The following CNTNAP2 variants were observed in gnomAD, a reference collection of about 807,000 sequenced individuals.
CNTNAP2 encodes contactin associated protein 2.
In CNTNAP2, 98 loss-of-function variants were observed where a neutral mutation model predicts 155.2. That is an observed-to-expected ratio of 0.63 (90% CI 0.54 to 0.75). The LOEUF is 0.75. Ranked by LOEUF, CNTNAP2 falls within the 30% of genes least tolerant of loss-of-function variation. The probability of loss-of-function intolerance (pLI) is 0.00; values close to 1 mark genes in which losing one functional copy is unlikely to be tolerated. For missense variants in CNTNAP2, 1,727 were observed against 1,688.1 expected, an observed-to-expected ratio of 1.02 and a Z score of -0.40; for synonymous variants, 651 against 631.2, an observed-to-expected ratio of 1.03 and a Z score of -0.47.
At chr7:147,825,584 C>T (rs1798433760) in intron 13 of CNTNAP2, among the ~76,000 whole-genome samples, 1 of 152,126 alleles carries the variant, frequency 6.6e-6, no homozygotes, top group Admixed American at 6.6e-5. Context: ...TAAAAATAAA[C>T]ATCTAAAGAG....
chr7:146,913,975 G>A (rs934542983), intron 3 of CNTNAP2, among the ~76,000 whole-genome samples: 8 of 151,838 alleles, frequency 5.3e-5, no homozygotes, highest in African/African-American at 1.9e-4. Context: ...TCACAGCTTA[G>A]CTCCCACTTA....
intron 10 of CNTNAP2, among the ~76,000 whole-genome samples, chr7:147,418,424 C>T (rs541902001): frequency 7.2e-5 from 11 of 152,288 alleles, no homozygotes; most frequent in African/African-American, 2.4e-4. Flanking sequence ...ATTATATAGA[C>T]ATCGATATGA....
At position 146,222,811 on chromosome 7, in the gene CNTNAP2, A is replaced by G. The variant is rs1799229400; in HGVS notation, c.97+105838A>G. 2.0e-5 allele frequency among the ~76,000 whole-genome samples: 3 copies of G among 151,320 alleles called. 1 individual carries two copies. In the South Asian group the frequency reaches 6.3e-4, roughly 32 times the overall value. ...GCTGGGACTACAGGCGCCCGCCACC[A>G]CGCCCAGCTAATTTTTTTATATTTT... On this transcript the variant is annotated intron_variant, in intron 1 of 23. Coordinates refer to ENST00000361727, the MANE Select transcript of CNTNAP2 (RefSeq NM_014141.6).
At position 147,414,198 on chromosome 7, in the gene CNTNAP2, G is replaced by A. The variant is rs540915405; in HGVS notation, c.1670+18418G>A. On this transcript the variant is annotated intron_variant, in intron 10 of 23. Coordinates refer to ENST00000361727, the MANE Select transcript of CNTNAP2 (RefSeq NM_014141.6). ...CCAGCACTTTGGGAGGCCAAGGCAG[G>A]CCGATCGCTTGCGATCAGGAGTTCG... Among the ~76,000 whole-genome samples, 161 of 152,220 alleles carry A rather than the reference G, an allele frequency of 1.1e-3. 1 individual carries two copies. Among genetic ancestry groups the A allele is most frequent in the African/African-American group, 3.7e-3 (152 of 41,540 alleles).
intron 1 of CNTNAP2, among the ~76,000 whole-genome samples, chr7:146,160,055 A>G (rs1016057319): frequency 7.2e-5 from 11 of 152,164 alleles, no homozygotes; most frequent in African/African-American, 2.4e-4. Context: ...AAACTAAACA[A>G]CTACGTGGAG....
chr7:147,544,916 C>G (rs554419095), intron 11 of CNTNAP2, among the ~76,000 whole-genome samples: 20 of 152,198 alleles, frequency 1.3e-4, no homozygotes, highest in African/African-American at 4.1e-4. Flanking sequence ...GTGAGCCTCC[C>G]TAGCCATGTG....
chr7:146,481,004 A>ATT (rs879861058), intron 1 of CNTNAP2, among the ~76,000 whole-genome samples: 168 of 139,232 alleles, frequency 1.2e-3, no homozygotes, highest in Middle Eastern at 3.8e-3. Context: ...TATTAATGAA[A>ATT]ATTTTTTTTT....
intron 13 of CNTNAP2, among the ~76,000 whole-genome samples, chr7:147,708,140 G>C (rs1484959691): frequency 1.3e-5 from 2 of 152,148 alleles, no homozygotes; most frequent in African/African-American, 2.4e-5. Context: ...TACTGGGGAA[G>C]GCAAGGTTGC....
chr7:146,414,954 G>A (rs970156301), intron 1 of CNTNAP2, among the ~76,000 whole-genome samples: 3 of 152,116 alleles, frequency 2.0e-5, no homozygotes, highest in African/African-American at 7.2e-5. Flanking sequence ...AAAAAGGAGT[G>A]TTATTTGCAA....
At chr7:147,715,791 CT>C (rs1440753894) in intron 13 of CNTNAP2, among the ~76,000 whole-genome samples, 3 of 151,950 alleles carry the variant, frequency 2.0e-5, no homozygotes, top group Non-Finnish European at 4.4e-5. Flanking sequence ...TGAAGATTTT[CT>C]CCTATTTCTT....
At chr7:146,408,979 T>C (rs866759836) in intron 1 of CNTNAP2, among the ~76,000 whole-genome samples, 1 of 152,150 alleles carries the variant, frequency 6.6e-6, no homozygotes, top group African/African-American at 2.4e-5. Context: ...ATCTGGAGAA[T>C]AGACACAATG....
intron 1 of CNTNAP2, among the ~76,000 whole-genome samples, chr7:146,527,139 G>A (rs1389999080): frequency 1.3e-5 from 2 of 151,598 alleles, no homozygotes; most frequent in African/African-American, 2.4e-5. Context: ...GTAATGATTT[G>A]CCTTTATTTT....
intron 8 of CNTNAP2, among the ~76,000 whole-genome samples, chr7:147,299,077 A>C (rs1465791000): frequency 6.6e-6 from 1 of 152,166 alleles, no homozygotes; most frequent in Admixed American, 6.5e-5. Flanking sequence ...TGTAACTTCT[A>C]CCTGTGGATT....
chr7:147,106,164 T>C (rs1800761692), intron 4 of CNTNAP2, among the ~76,000 whole-genome samples: 1 of 152,108 alleles, frequency 6.6e-6, no homozygotes, highest in Non-Finnish European at 1.5e-5. Flanking sequence ...TAAAATATGC[T>C]AAAGGTGTAT....
intron 10 of CNTNAP2, among the ~76,000 whole-genome samples, chr7:147,405,820 T>C (rs1230086929): frequency 6.6e-6 from 1 of 152,092 alleles, no homozygotes; most frequent in East Asian, 1.9e-4. Context: ...GCGATTTTAG[T>C]TTTCGCTGCA....
chr7:146,579,840 C>A (rs1162469803), intron 1 of CNTNAP2, among the ~76,000 whole-genome samples: 2 of 152,042 alleles, frequency 1.3e-5, no homozygotes, highest in Non-Finnish European at 2.9e-5. Flanking sequence ...AACAGCTTGC[C>A]TTGAAGTTTC....
chr7:147,011,084 T>C (rs1447652528), intron 3 of CNTNAP2, among the ~76,000 whole-genome samples: 1 of 151,874 alleles, frequency 6.6e-6, no homozygotes, highest in African/African-American at 2.4e-5. Flanking sequence ...CAAACCCAAA[T>C]TGATGCATTG....
At chr7:146,282,100 T>C (rs1433214385) in intron 1 of CNTNAP2, among the ~76,000 whole-genome samples, 1 of 152,214 alleles carries the variant, frequency 6.6e-6, no homozygotes, top group Non-Finnish European at 1.5e-5. Context: ...CACAGATGTA[T>C]GTTCATCAGT....
intron 8 of CNTNAP2, among the ~76,000 whole-genome samples, chr7:147,149,242 A>C (rs968588334): frequency 6.6e-6 from 1 of 152,050 alleles, no homozygotes; most frequent in Non-Finnish European, 1.5e-5. Context: ...ATTTTTACAG[A>C]GTTCTGATTG....
Sources: allele counts gnomAD v4.1 joint callset (sites outside exome capture counted in the v4.1 genomes callset), GRCh38; gene constraint gnomAD v4.1.1; transcripts MANE v1.5; gene names NCBI Gene and HGNC (gene_info 2026-07-23, HGNC 2026-07-21).